The following ITGB7 variants were observed in gnomAD, a reference collection of about 807,000 sequenced individuals.
The protein encoded by ITGB7 is integrin beta-7.
A neutral mutation model predicts 83.4 loss-of-function variants in ITGB7; 55 were observed. That is an observed-to-expected ratio of 0.66 (90% CI 0.53 to 0.83). The LOEUF is 0.83. ITGB7 is among the 40% of genes least tolerant of loss of function. The probability of loss-of-function intolerance (pLI) is 0.00; values close to 1 mark genes in which losing one functional copy is unlikely to be tolerated. For missense variants in ITGB7, 921 were observed against 1,046.7 expected (o/e 0.88, Z 1.66); for synonymous variants, 454 against 423.6 (o/e 1.07, Z -0.88).
intron 2 of ITGB7, 123 bp from the exon 3 acceptor site, chr12:53,200,569 A>G (rs1199303877): frequency 6.2e-5 from 46 of 744,376 alleles, no homozygotes; most frequent in South Asian, 5.3e-4. Context: ...ATCTCCCCTC[A>G]TAGTTTCACT....
rs1942168745 is a variant in ITGB7 at position 53,196,603 on chromosome 12, GGCATC to G, written c.787_791del (p.Asp263HisfsTer44). 6.2e-7 allele frequency: 1 copy of G among 1,613,354 alleles called. No homozygotes were observed. The highest frequency in any genetic ancestry group is 8.5e-7 in the Non-Finnish European group (1 of 1,179,544). ...CCTGGCAGAGTGCAGCCTGCAGAAT[GGCATC>G]GAAGCCACCTTCAGGCGAGTCCAGA... On this transcript the variant is annotated frameshift_variant, in exon 6 of 16. Coordinates refer to ENST00000267082, the MANE Select transcript of ITGB7 (RefSeq NM_000889.3). LOFTEE classifies it high-confidence loss of function.
In ITGB7 at chr12:53,192,714, G is replaced by A. The variant is rs1219611486; in HGVS notation, c.1923C>T (p.Cys641=). The A allele has an allele frequency of 1.2e-6, 2 of 1,614,080 alleles. No individual in the cohort carries two copies. The highest frequency in any genetic ancestry group is 1.7e-5 in the Admixed American group (1 of 60,030). The change falls in exon 13 of 16, where the codon TGC becomes TGT. Residue 641 remains cysteine, a synonymous_variant. Transcript: ENST00000267082. ...ACCGGTGTCTCTCGCATGGTGTCTTGCAGCCTGGGCATTGGTCGCATAGAG... is the reference window on the plus strand; with the variant it reads ...ACCGGTGTCTCTCGCATGGTGTCTTACAGCCTGGGCATTGGTCGCATAGAG... ...YGALCDQCPG[C]KTPCERHRDC...
At chr12:53,192,259 C>G in intron 14 of ITGB7, 71 bp downstream of exon 14, 1 of 1,480,180 alleles carries the variant, frequency 6.8e-7, no homozygotes, top group Non-Finnish European at 9.4e-7. Flanking sequence ...CCATTATCTT[C>G]ACTCTGCATC....
Position 53,191,929 on chromosome 12 carries a change from G to T in ITGB7, c.2246C>A (p.Ser749Ter). 1.2e-6 allele frequency: 2 copies of T among 1,610,942 alleles called. No homozygotes were observed. The highest frequency in any genetic ancestry group is 1.7e-6 in the Non-Finnish European group (2 of 1,179,996). ...TTCCCGGCGGTCATAGATTTCCACC[G>T]AGAGCCGGTAAGCCAGGACCAGCCC... ...GLGLVLAYRL[S>*]VEIYDRREYS... is the part of the protein sequence containing the mutation. The change falls in exon 15 of 16, where the codon TCG becomes TAG. Residue 749 changes from serine (S) to a stop codon, truncating the protein, a stop_gained. Coordinates refer to ENST00000267082, the MANE Select transcript of ITGB7 (RefSeq NM_000889.3). LOFTEE classifies it high-confidence loss of function.
chr12:53,206,666 A>T (rs947290010), intron 1 of ITGB7: 1 of 152,316 alleles, frequency 6.6e-6, no homozygotes, highest in African/African-American at 2.4e-5. Flanking sequence ...TTCCAAACCC[A>T]TCCCTACCTT....
chr12:53,200,330 G>A lies in ITGB7; in HGVS notation c.114C>T (p.His38=). 20 of 1,614,206 alleles carry A rather than the reference G, an allele frequency of 1.2e-5. No homozygotes were observed. Among genetic ancestry groups the A allele is most frequent in the Non-Finnish European group, 1.7e-5 (20 of 1,180,042 alleles). ...TGDATEWRNP[H]LSMLGSCQPA... ...GCTGGCAGGACCCCAGCATGGACAG[G>A]TGAGGATTCCGCCATTCTGTGGCAT... The change falls in exon 3 of 16, where the codon CAC becomes CAT. Residue 38 remains histidine, a synonymous_variant. Coordinates refer to ENST00000267082, the MANE Select transcript of ITGB7 (RefSeq NM_000889.3).
rs1398061451 is a variant in ITGB7, at chr12:53,192,810, C to T, written c.1827G>A (p.Glu609=). ...SGDMDSCISP[E]GGLCSGHGRC... is the part of the protein sequence containing the mutation. Reference sequence around the variant, plus strand: ...GTCCATGCCCACTGCAGAGCCCTCCCTCGGGACTGATGCAACTGTCCATGT... The same window carrying T: ...GTCCATGCCCACTGCAGAGCCCTCCTTCGGGACTGATGCAACTGTCCATGT... The change falls in exon 13 of 16, where the codon GAG becomes GAA. Residue 609 remains glutamate (E), a synonymous_variant. Coordinates refer to ENST00000267082, the MANE Select transcript of ITGB7 (RefSeq NM_000889.3). 1 of 1,614,218 alleles carries T rather than the reference C, an allele frequency of 6.2e-7. No homozygotes were observed. The highest frequency in any genetic ancestry group is 1.1e-5 in the South Asian group (1 of 91,086).
At chr12:53,204,452 T>C (rs1942389296) in intron 1 of ITGB7, among the ~76,000 whole-genome samples, 1 of 151,024 alleles carries the variant, frequency 6.6e-6, no homozygotes, top group Non-Finnish European at 1.5e-5. Flanking sequence ...ACATGCTCAG[T>C]GAACAAAACC....
Position 53,200,341 on chromosome 12 carries a change from G to A in ITGB7, c.103C>T (p.Arg35Trp), listed in dbSNP as rs143981621. The A allele has an allele frequency of 6.7e-5, 108 of 1,614,114 alleles. No individual in the cohort carries two copies. The highest frequency in any genetic ancestry group is 3.0e-4 in the Admixed American group (18 of 60,022). The change falls in exon 3 of 16, where the codon CGG becomes TGG. Residue 35 changes from arginine to tryptophan, a missense_variant. Transcript: ENST00000267082. ...CCCAGCATGGACAGGTGAGGATTCC[G>A]CCATTCTGTGGCATCCCCTGTGGAT... is the stretch of plus-strand genomic sequence containing the variant. ...IPSTGDATEWRNPHLSMLGSC... is the reference protein window; with the variant it reads ...IPSTGDATEWWNPHLSMLGSC...
chr12:53,200,545 T>G, intron 2 of ITGB7, 99 bp from the exon 3 acceptor site: 1 of 946,734 alleles, frequency 1.1e-6, no homozygotes, highest in Non-Finnish European at 1.6e-6. Context: ...CTCAAAACTC[T>G]GCCCCAACAC....
chr12:53,204,873 G>A lies in ITGB7; in HGVS notation c.-127+2329C>T, dbSNP rs1366096390. 7.9e-5 allele frequency among the ~76,000 whole-genome samples: 10 copies of A among 126,544 alleles called. No homozygotes were observed. The East Asian group carries it at 1.1e-3, about 14-fold the overall frequency. 83.0% of individuals were successfully genotyped at this position (126,544 alleles called of 152,430 possible). A position where few individuals can be genotyped will look rare whatever the true frequency, so the allele number is the denominator to read the frequency against. On this transcript the variant is annotated intron_variant, in intron 1 of 15. Coordinates refer to ENST00000267082, the MANE Select transcript of ITGB7 (RefSeq NM_000889.3). ...TTTTTTGGCAGAGTCCCACTCTGTC[G>A]ACCAGGCTGGAATGCAGTGGCGTGA... is the stretch of plus-strand genomic sequence containing the variant.
Position 53,192,895 on chromosome 12 carries a change from T to C in ITGB7, c.1742A>G (p.Gln581Arg). 1.2e-6 allele frequency: 2 copies of C among 1,613,894 alleles called. No homozygotes were observed. The highest frequency in any genetic ancestry group is 4.5e-5 in the East Asian group (2 of 44,892). ...GILCGGFGRC[Q>R]CGVCHCHANR... ...GGCATGACAGTGACATACTCCACAT[T>C]GGCAGCGACCAAAGCCTGGGGTAGA... The change falls in exon 13 of 16, where the codon CAA becomes CGA. Residue 581 changes from glutamine (Q) to arginine (R), a missense_variant. By Grantham distance (43) the Gln-to-Arg change is conservative (BLOSUM62 1). Transcript: ENST00000267082.
rs1246254433 is a variant in ITGB7 at position 53,192,716 on chromosome 12, A to G, written c.1921T>C (p.Cys641Arg). 1 of 1,614,162 alleles carries G rather than the reference A, an allele frequency of 6.2e-7. No homozygotes were observed. The highest frequency in any genetic ancestry group is 1.1e-5 in the South Asian group (1 of 91,084). The change falls in exon 13 of 16, where the codon TGC (cysteine) becomes CGC (arginine). Residue 641 changes from cysteine (C) to arginine (R), a missense_variant. Coordinates refer to ENST00000267082, the MANE Select transcript of ITGB7 (RefSeq NM_000889.3). ...YGALCDQCPG[C>R]KTPCERHRDC... is the part of the protein sequence containing the mutation. The stretch of plus-strand genomic sequence containing the variant: ...CGGTGTCTCTCGCATGGTGTCTTGC[A>G]GCCTGGGCATTGGTCGCATAGAGCA...
chr12:53,197,858 G>A lies in ITGB7; in HGVS notation c.295C>T (p.Pro99Ser). ...TGCAGCACCTCCTGCTGGCCGCGGG[G>A]CTCCTCCAGCTCCTCCAGCGGGCAG... ...RGCPLEELEE[P>S]RGQQEVLQDQ... Residue 99 changes from proline (P) to serine (S), a missense_variant, in exon 4 of 16, where the codon CCC becomes TCC. Transcript: ENST00000267082. 6.5e-7 allele frequency: 1 copy of A among 1,531,494 alleles called. No homozygotes were observed. Among genetic ancestry groups the A allele is most frequent in the Non-Finnish European group, 8.7e-7 (1 of 1,145,086 alleles). The allele number at this position is 1,531,494 out of a possible 1,614,324, so 94.9% of individuals were successfully genotyped here.
intron 9 of ITGB7, chr12:53,194,559 T>G: frequency 2.0e-6 from 1 of 502,898 alleles, no homozygotes; most frequent in Non-Finnish European, 3.6e-6. Context: ...ATACAGCATT[T>G]CAGTGCAGCT....
Position 53,197,572 on chromosome 12 carries a change from C to T in ITGB7, c.495G>A (p.Lys165=). 1 of 1,614,208 alleles carries T rather than the reference C, an allele frequency of 6.2e-7. No homozygotes were observed. Among genetic ancestry groups the T allele is most frequent in the Non-Finnish European group, 8.5e-7 (1 of 1,180,018 alleles). ...YYLMDLSYSM[K]DDLERVRQLG... ...GCTGGCGCACGCGTTCCAGGTCGTC[C>T]TTCATGGAGTAGCTCAGGTCCATAA... The change falls in exon 5 of 16, where the codon AAG becomes AAA. Residue 165 remains lysine (K), a synonymous_variant. Transcript: ENST00000267082.
At chr12:53,206,639 C>T (rs1268851098) in intron 1 of ITGB7, 1 of 152,340 alleles carries the variant, frequency 6.6e-6, no homozygotes, top group Non-Finnish European at 1.5e-5. Flanking sequence ...CCCTCAGCAG[C>T]TGAGAAACAG....
chr12:53,191,389 G>A lies in ITGB7; in HGVS notation c.*167C>T, dbSNP rs1941936224. On this transcript the variant is annotated 3_prime_UTR_variant, in exon 16 of 16. Transcript: ENST00000267082. ...AGATGGATGCAAGGTTGCAGGCATG[G>A]GAAGCAGCCCTCTTGGGTGTCACTC... is the stretch of plus-strand genomic sequence containing the variant. 1.6e-6 allele frequency: 1 copy of A among 643,852 alleles called. No homozygotes were observed. The highest frequency in any genetic ancestry group is 2.3e-5 in the Admixed American group (1 of 42,928). The allele number at this position is 643,852 out of a possible 1,614,324, so 39.9% of individuals were successfully genotyped here. A position where few individuals can be genotyped will look rare whatever the true frequency, so the allele number is the denominator to read the frequency against.
Position 53,193,131 on chromosome 12 carries a change from T to C in ITGB7, c.1726+9A>G. ...CAGACCCCGCCCTTCTCCCCAAGGC[T>C]CCAGGTACCTCCGCAGAGGATGCCC... On this transcript the variant is annotated intron_variant, in intron 12 of 15. Transcript: ENST00000267082. 6.3e-7 allele frequency: 1 copy of C among 1,599,584 alleles called. No homozygotes were observed. Among genetic ancestry groups the C allele is most frequent in the African/African-American group, 1.3e-5 (1 of 74,776 alleles).
Sources: gnomAD v4.1 joint callset for allele counts (sites outside exome capture counted in the v4.1 genomes callset) on GRCh38, gnomAD v4.1.1 for gene constraint, MANE v1.5 for transcripts, NCBI Gene and HGNC (gene_info 2026-07-23, HGNC 2026-07-21) for gene names.